Variants in SORCS2 observed in about 807,000 individuals in gnomAD.
The protein encoded by SORCS2 is sortilin related VPS10 domain containing receptor 2, also known as VPS10 domain-containing receptor SorCS2.
A neutral mutation model predicts 141.6 loss-of-function variants in SORCS2; 100 were observed. That is an observed-to-expected ratio of 0.71 (90% CI 0.60 to 0.83). The LOEUF is 0.83. Among genes scored for constraint, SORCS2 ranks in the 40% least tolerant of loss-of-function variants. SORCS2 has a pLI of 0.00. For synonymous variants in SORCS2, 789 were observed against 676.9 expected (o/e 1.17, Z -2.57); for missense variants, 1,646 against 1,560.2 (o/e 1.05, Z -0.93).
intron 3 of SORCS2, among the ~76,000 whole-genome samples, chr4:7,617,168 A>G (rs1437598635): frequency 1.3e-5 from 2 of 152,118 alleles, no homozygotes; most frequent in East Asian, 1.9e-4. Context: ...CCATCCATCT[A>G]TCCAAGTGCC....
intron 12 of SORCS2, among the ~76,000 whole-genome samples, chr4:7,700,041 C>T (rs967921232): frequency 3.3e-5 from 5 of 152,188 alleles, no homozygotes; most frequent in East Asian, 1.9e-4. Flanking sequence ...GGGGCCTCTC[C>T]GTGTGCCCCC....
chr4:7,682,864 A>G lies in SORCS2; in HGVS notation c.1463A>G (p.Asn488Ser), dbSNP rs1196829156. Residue 488 changes from asparagine to serine, a missense_variant, in exon 10 of 27, where the codon AAT (asparagine) becomes AGT (serine). Physicochemically the swap from Asn to Ser is conservative, Grantham distance 46. Coordinates refer to ENST00000507866, the MANE Select transcript of SORCS2 (RefSeq NM_020777.3). Reference sequence around the variant, plus strand: ...CTGAGGCCACCCAGCATGGACATGAATGGAAAACCAACCAACTGCAAGCCT... The same window carrying G: ...CTGAGGCCACCCAGCATGGACATGAGTGGAAAACCAACCAACTGCAAGCCT... Reference protein sequence around the residue: ...DYLRPPSMDMNGKPTNCKPPD... With the variant: ...DYLRPPSMDMSGKPTNCKPPD... The G allele has an allele frequency of 1.2e-6, 2 of 1,613,462 alleles. No homozygotes were observed. Among genetic ancestry groups the G allele is most frequent in the East Asian group, 2.2e-5 (1 of 44,888 alleles).
chr4:7,451,133 T>C (rs1728434080), intron 2 of SORCS2, among the ~76,000 whole-genome samples: 1 of 151,842 alleles, frequency 6.6e-6, no homozygotes, highest in Admixed American at 6.6e-5. Context: ...AATGAGTGAG[T>C]GAGGGAGTGA....
intron 1 of SORCS2, among the ~76,000 whole-genome samples, chr4:7,212,001 G>T (rs965343223): frequency 2.0e-5 from 3 of 152,208 alleles, no homozygotes; most frequent in Non-Finnish European, 4.4e-5. Context: ...CATCTGTGTG[G>T]CTAAATCCCC....
intron 2 of SORCS2, among the ~76,000 whole-genome samples, chr4:7,407,080 CA>C: frequency 6.6e-6 from 1 of 152,144 alleles, no homozygotes; most frequent in Middle Eastern, 3.4e-3. Flanking sequence ...AAAATTTGTT[CA>C]GACCTGTTTC....
intron 3 of SORCS2, among the ~76,000 whole-genome samples, chr4:7,589,672 A>G (rs1716782540): frequency 6.6e-6 from 1 of 152,186 alleles, no homozygotes; most frequent in South Asian, 2.1e-4. Flanking sequence ...AAGTGCTGGG[A>G]TTACAGGCGT....
intron 2 of SORCS2, among the ~76,000 whole-genome samples, chr4:7,439,898 C>T (rs751847310): frequency 2.0e-5 from 3 of 152,092 alleles, no homozygotes; most frequent in Non-Finnish European, 4.4e-5. Flanking sequence ...AGGGTGTGCA[C>T]CTGTGGGGGC....
At chr4:7,271,778 C>T (rs565714485) in intron 1 of SORCS2, among the ~76,000 whole-genome samples, 1 of 152,208 alleles carries the variant, frequency 6.6e-6, no homozygotes, top group Admixed American at 6.5e-5. Context: ...TAAGAGTTTT[C>T]CAGGTGGAGA....
chr4:7,611,963 G>A (rs1428417549), intron 3 of SORCS2, among the ~76,000 whole-genome samples: 1 of 152,244 alleles, frequency 6.6e-6, no homozygotes, highest in Non-Finnish European at 1.5e-5. Context: ...GGAAGGATCG[G>A]CCCCATGCCC....
At chr4:7,531,320 G>T (rs1397710448) in intron 2 of SORCS2, among the ~76,000 whole-genome samples, 1 of 152,194 alleles carries the variant, frequency 6.6e-6, no homozygotes, top group Non-Finnish European at 1.5e-5. Flanking sequence ...CTCCACACCT[G>T]TGTGAGTCCT....
chr4:7,691,436 G>T (rs943626983), intron 11 of SORCS2, among the ~76,000 whole-genome samples: 1 of 152,152 alleles, frequency 6.6e-6, no homozygotes, highest in Non-Finnish European at 1.5e-5. Context: ...TGAAGCCTAC[G>T]TGCAGGGCTG....
chr4:7,192,875 G>A lies in SORCS2; in HGVS notation c.229G>A (p.Glu77Lys), dbSNP rs1164942796. 6 of 1,089,762 alleles carry A rather than the reference G, an allele frequency of 5.5e-6. No homozygotes were observed. The highest frequency in any genetic ancestry group is 1.7e-5 in the African/African-American group (1 of 59,380). 67.5% of individuals were successfully genotyped at this position (1,089,762 alleles called of 1,614,324 possible). The change falls in exon 1 of 27, where the codon GAG (glutamate) becomes AAG (lysine). Residue 77 changes from glutamate (E) to lysine (K), a missense_variant. Glu to Lys is a moderately conservative substitution (Grantham distance 56). Coordinates refer to ENST00000507866, the MANE Select transcript of SORCS2 (RefSeq NM_020777.3). The surrounding 1 kb of genome is among the most constrained non-coding windows in gnomAD (Gnocchi z 4.0). ...GCGGAGCCCTCCCGCGGGGCGCGCG[G>A]AGCCCGGTGGCGGCGAGGACCGGCA... ...VPRSPPAGRA[E>K]PGGGEDRQAR...
intron 2 of SORCS2, among the ~76,000 whole-genome samples, chr4:7,427,852 C>G (rs1726561460): frequency 6.6e-6 from 1 of 151,864 alleles, no homozygotes; most frequent in Non-Finnish European, 1.5e-5. Context: ...CGCCCCCCCG[C>G]CCCCCCGCAC....
chr4:7,497,014 G>A (rs575700073), intron 2 of SORCS2, among the ~76,000 whole-genome samples: 10 of 152,370 alleles, frequency 6.6e-5, no homozygotes, highest in African/African-American at 1.7e-4. Context: ...GCTGACACAC[G>A]TGAGCTAATT....
intron 3 of SORCS2, among the ~76,000 whole-genome samples, chr4:7,581,594 C>G (rs965919553): frequency 2.0e-5 from 3 of 152,194 alleles, no homozygotes; most frequent in Non-Finnish European, 4.4e-5. Flanking sequence ...GTAGCTAGGC[C>G]TGGTCATTTG....
At chr4:7,444,547 G>A (rs547802452) in intron 2 of SORCS2, among the ~76,000 whole-genome samples, 1 of 152,352 alleles carries the variant, frequency 6.6e-6, no homozygotes, top group African/African-American at 2.4e-5. Flanking sequence ...CAGGAGACTT[G>A]AGCGGAGTGA....
At chr4:7,382,882 C>T (rs3889116) in intron 1 of SORCS2, among the ~76,000 whole-genome samples, 1 of 152,050 alleles carries the variant, frequency 6.6e-6, no homozygotes, top group Non-Finnish European at 1.5e-5. Context: ...ACAACATCAA[C>T]GGACCCACAC....
intron 5 of SORCS2, among the ~76,000 whole-genome samples, chr4:7,657,539 G>A (rs1386911005): frequency 6.6e-6 from 1 of 151,822 alleles, no homozygotes; most frequent in Non-Finnish European, 1.5e-5. Flanking sequence ...TTGAGTGAAA[G>A]AATGAATGAG....
chr4:7,426,059 A>G (rs1726412694), intron 2 of SORCS2, among the ~76,000 whole-genome samples: 1 of 152,130 alleles, frequency 6.6e-6, no homozygotes, highest in African/African-American at 2.4e-5. Flanking sequence ...AGGCGTGGGC[A>G]GTGTTGTGGT....
Sources: allele counts gnomAD v4.1 joint callset (sites outside exome capture counted in the v4.1 genomes callset), GRCh38; gene constraint gnomAD v4.1.1; non-coding constraint Gnocchi (gnomAD v3.1); transcripts MANE v1.5; gene names NCBI Gene and HGNC (gene_info 2026-07-23, HGNC 2026-07-21).